The following ASAH2 variants were observed in gnomAD, a reference collection of about 807,000 sequenced individuals.
ASAH2 encodes the protein neutral ceramidase.
ASAH2 carries 58 observed loss-of-function variants against 82.9 expected under a neutral mutation model. That is an observed-to-expected ratio of 0.70 (90% CI 0.57 to 0.87). The LOEUF is 0.87. Among genes scored for constraint, ASAH2 ranks in the 40% least tolerant of loss-of-function variants. The pLI is 0.00. For synonymous variants in ASAH2, 276 were observed against 289.7 expected (o/e 0.95, Z 0.48); for missense variants, 779 against 834.0 (o/e 0.93, Z 0.81).
At chr10:50,210,098 A>G (rs1845410165) in intron 12 of ASAH2, among the ~76,000 whole-genome samples, 1 of 152,188 alleles carries the variant, frequency 6.6e-6, no homozygotes, top group Non-Finnish European at 1.5e-5. Flanking sequence ...TTTATAGACT[A>G]TTTATAGATT....
chr10:50,228,428 A>G (rs1485500359), intron 7 of ASAH2, among the ~76,000 whole-genome samples: 2 of 152,172 alleles, frequency 1.3e-5, no homozygotes, highest in Admixed American at 6.5e-5. Flanking sequence ...TTCAAGAAAA[A>G]TAATTCAATT....
intron 12 of ASAH2, among the ~76,000 whole-genome samples, 192 bp from the exon 13 acceptor site, chr10:50,206,289 T>C (rs1172196934): frequency 6.6e-6 from 1 of 151,918 alleles, no homozygotes. Flanking sequence ...CATGAGCCAT[T>C]GTTTAATTAG....
intron 9 of ASAH2, among the ~76,000 whole-genome samples, chr10:50,214,280 C>G (rs1188221704): frequency 1.3e-5 from 2 of 152,108 alleles, no homozygotes; most frequent in Non-Finnish European, 2.9e-5. Context: ...TTTTACTATT[C>G]TCTGTACTTC....
chr10:50,211,261 G>T (rs1845447523), intron 10 of ASAH2, 127 bp from the exon 11 acceptor site: 2 of 779,092 alleles, frequency 2.6e-6, no homozygotes, highest in South Asian at 3.3e-5. Context: ...TGTTTTGCTG[G>T]TTGCTTAGAA....
Position 50,184,976 on chromosome 10 carries a change from A to T in ASAH2, c.*2339T>A, listed in dbSNP as rs1844706872. The T allele has an allele frequency of 6.6e-6, 1 of 151,674 alleles. No individual in the cohort carries two copies. Among genetic ancestry groups the T allele is most frequent in the Non-Finnish European group, 1.5e-5 (1 of 67,754 alleles). 9.4% of individuals were successfully genotyped at this position (151,674 alleles called of 1,614,324 possible). A position where few individuals can be genotyped will look rare whatever the true frequency, so the allele number is the denominator to read the frequency against. On this transcript the variant is annotated 3_prime_UTR_variant, in exon 21 of 21. Coordinates refer to ENST00000682911, the MANE Select transcript of ASAH2 (RefSeq NM_019893.4). ...AAAGAGATTATTCAGTGCTTTTCAAAGAAGTCAAAAAATCCTTAAAACCAG... is the reference window on the plus strand; with the variant it reads ...AAAGAGATTATTCAGTGCTTTTCAATGAAGTCAAAAAATCCTTAAAACCAG...
chr10:50,237,944 A>T (rs924786246), intron 4 of ASAH2, among the ~76,000 whole-genome samples: 12 of 152,256 alleles, frequency 7.9e-5, no homozygotes, highest in Admixed American at 5.9e-4. Context: ...ACACACAAAC[A>T]TTAATCAAAG....
chr10:50,234,662 T>C, intron 5 of ASAH2, 110 bp from the exon 6 acceptor site: 1 of 1,441,270 alleles, frequency 6.9e-7, no homozygotes. Context: ...TTGTCTCTAA[T>C]GGGTCCACAT....
chr10:50,224,378 T>C (rs1021662986), intron 7 of ASAH2, among the ~76,000 whole-genome samples: 3 of 151,678 alleles, frequency 2.0e-5, no homozygotes, highest in Admixed American at 1.3e-4. Flanking sequence ...CATAAATAAA[T>C]ATATATATAT....
chr10:50,203,966 A>G (rs1303453082), intron 14 of ASAH2, among the ~76,000 whole-genome samples: 5 of 152,034 alleles, frequency 3.3e-5, no homozygotes, highest in Admixed American at 3.3e-4. Context: ...AGTCAACAAA[A>G]TGATCAGTTG....
chr10:50,214,892 C>T, intron 8 of ASAH2, 24 bp from the exon 9 acceptor site: 1 of 1,612,718 alleles, frequency 6.2e-7, no homozygotes, highest in Non-Finnish European at 8.5e-7. Flanking sequence ...TGCCAAGTTG[C>T]CTTTTATTCT....
Position 50,187,116 on chromosome 10 carries a change from TCTCA to T in ASAH2, c.*195_*198del, listed in dbSNP as rs1387630302. Reference sequence around the variant, plus strand: ...CTCTCTCTCTCTCTCTCTCTCTCTCTCTCACACACACACACACACACACACACAC... The same window carrying T: ...CTCTCTCTCTCTCTCTCTCTCTCTCTCACACACACACACACACACACACAC... On this transcript the variant is annotated 3_prime_UTR_variant, in exon 21 of 21. Transcript: ENST00000682911. 179 of 230,004 alleles carry T rather than the reference TCTCA, an allele frequency of 7.8e-4. No homozygotes were observed. The highest frequency in any genetic ancestry group is 5.1e-3 in the African/African-American group (132 of 26,046). 14.2% of individuals were successfully genotyped at this position (230,004 alleles called of 1,614,324 possible).
intron 8 of ASAH2, among the ~76,000 whole-genome samples, chr10:50,215,852 A>G (rs1845579953): frequency 6.6e-6 from 1 of 152,174 alleles, no homozygotes; most frequent in Non-Finnish European, 1.5e-5. Flanking sequence ...CTATAAAGAC[A>G]CATGTACACG....
intron 2 of ASAH2, among the ~76,000 whole-genome samples, chr10:50,246,509 T>A (rs1846461451): frequency 6.6e-6 from 1 of 152,232 alleles, no homozygotes; most frequent in South Asian, 2.1e-4. Context: ...AGTCAGAAAG[T>A]ACTTAGGCAA....
intron 2 of ASAH2, among the ~76,000 whole-genome samples, chr10:50,247,184 A>C (rs1034601088): frequency 6.6e-6 from 1 of 151,020 alleles, no homozygotes; most frequent in Non-Finnish European, 1.5e-5. Flanking sequence ...ATGGAGTCTC[A>C]CTCTGTCACC....
At chr10:50,250,284 A>G (rs1846580946) in intron 1 of ASAH2, among the ~76,000 whole-genome samples, 1 of 152,204 alleles carries the variant, frequency 6.6e-6, no homozygotes, top group South Asian at 2.1e-4. Flanking sequence ...GAGGTGAAAG[A>G]TCAGTCTAAC....
At chr10:50,246,695 A>C (rs1296366828) in intron 2 of ASAH2, among the ~76,000 whole-genome samples, 1 of 152,174 alleles carries the variant, frequency 6.6e-6, no homozygotes, top group Admixed American at 6.5e-5. Flanking sequence ...CCAGATCCTC[A>C]AACTCAGGAT....
Position 50,245,313 on chromosome 10 carries a change from G to T in ASAH2, c.269C>A (p.Thr90Asn). ...TATQTSPVPL[T>N]PESPLFQNFS... Reference sequence around the variant, plus strand: ...GTTCTGAAATAGAGGAGACTCTGGGGTTAAAGGCACTGGAGAAGTTTGAGT... The same window carrying T: ...GTTCTGAAATAGAGGAGACTCTGGGTTTAAAGGCACTGGAGAAGTTTGAGT... Residue 90 changes from threonine to asparagine, a missense_variant, in exon 3 of 21, where the codon ACC becomes AAC. Around this residue, in one of 3 missense-constraint regions of ASAH2, gnomAD observed 759 missense variants for 755.2 expected, o/e 1.00. Coordinates refer to ENST00000682911, the MANE Select transcript of ASAH2 (RefSeq NM_019893.4). 1.9e-6 allele frequency: 3 copies of T among 1,614,102 alleles called. No individual in the cohort carries two copies. The highest frequency in any genetic ancestry group is 4.5e-5 in the East Asian group (2 of 44,884).
At chr10:50,227,327 A>G (rs1445332229) in intron 7 of ASAH2, among the ~76,000 whole-genome samples, 2 of 115,266 alleles carry the variant, frequency 1.7e-5, no homozygotes, top group African/African-American at 5.9e-5. Context: ...CTGCAAAAAC[A>G]AACAGATACT....
chr10:50,197,042 G>A, intron 17 of ASAH2, 123 bp from the exon 18 acceptor site: 1 of 1,022,950 alleles, frequency 9.8e-7, no homozygotes, highest in South Asian at 1.4e-5. Context: ...CATACTCCAA[G>A]AGCTAACAAC....
Sources: gnomAD v4.1 joint callset for allele counts (sites outside exome capture counted in the v4.1 genomes callset) on GRCh38, gnomAD v4.1.1 for gene constraint, gnomAD v4.1.1 regional missense constraint, MANE v1.5 for transcripts, NCBI Gene and HGNC (gene_info 2026-07-23, HGNC 2026-07-21) for gene names.